Variants in TMEM232 observed in about 807,000 individuals in gnomAD.
TMEM232 encodes transmembrane protein 232.
A neutral mutation model predicts 78.8 loss-of-function variants in TMEM232; 80 were observed. The ratio of observed to expected loss-of-function variants is 1.01; its 90% CI spans 0.85 to 1.22. The LOEUF is 1.22. TMEM232 is among the 50% of genes most tolerant of loss of function. The pLI is 0.00. For missense variants in TMEM232, 881 were observed against 742.2 expected (o/e 1.19, Z -2.17); for synonymous variants, 297 against 254.3 (o/e 1.17, Z -1.60).
intron 12 of TMEM232, among the ~76,000 whole-genome samples, chr5:110,524,371 GAAAGA>G (rs1770130529): frequency 6.4e-5 from 3 of 47,092 alleles, no homozygotes; most frequent in Non-Finnish European, 1.5e-4. Context: ...AAAAAAGAAA[GAAAGA>G]AAGAAAGAAA....
rs1465663118 is a variant in TMEM232 at position 110,669,856 on chromosome 5, T to C, written c.-12-2492A>G. 2.6e-5 allele frequency among the ~76,000 whole-genome samples: 4 copies of C among 152,118 alleles called. No individual in the cohort carries two copies. The East Asian group carries it at 7.7e-4, about 29-fold the overall frequency. On this transcript the variant is annotated intron_variant, in intron 1 of 13. Coordinates refer to ENST00000455884, the MANE Select transcript of TMEM232 (RefSeq NM_001039763.4). Reference sequence around the variant, plus strand: ...GCAAATCAATAAACATAATCCAGCATATAAACAGAACCAAAGACAAAAACC... The same window carrying C: ...GCAAATCAATAAACATAATCCAGCACATAAACAGAACCAAAGACAAAAACC...
At chr5:110,391,550 A>G (rs1225469224) in intron 3 of TMEM232, among the ~76,000 whole-genome samples, 1 of 152,172 alleles carries the variant, frequency 6.6e-6, no homozygotes, top group Non-Finnish European at 1.5e-5. Context: ...TTAATTGGAC[A>G]GGAAATATAG....
intron 11 of TMEM232, among the ~76,000 whole-genome samples, chr5:110,553,555 G>A (rs1050137518): frequency 2.6e-5 from 4 of 152,036 alleles, no homozygotes; most frequent in African/African-American, 9.7e-5. Context: ...GAATGCTAGT[G>A]ATTTTTGTAC....
At chr5:110,663,898 G>A (rs1022807660) in intron 2 of TMEM232, among the ~76,000 whole-genome samples, 2 of 152,044 alleles carry the variant, frequency 1.3e-5, no homozygotes, top group African/African-American at 4.8e-5. Context: ...CAGAATTTTT[G>A]GAGGGTCAGG....
chr5:110,568,129 T>A (rs912034895), intron 11 of TMEM232, among the ~76,000 whole-genome samples: 8 of 151,912 alleles, frequency 5.3e-5, no homozygotes, highest in Admixed American at 1.3e-4. Flanking sequence ...GTACCTAACA[T>A]GTCTATCAGA....
intron 11 of TMEM232, among the ~76,000 whole-genome samples, chr5:110,533,523 A>G (rs567492126): frequency 6.6e-6 from 1 of 152,310 alleles, no homozygotes; most frequent in Admixed American, 6.5e-5. Flanking sequence ...GGCCCTAAAA[A>G]TCACAAACTA....
intron 7 of TMEM232, among the ~76,000 whole-genome samples, chr5:110,621,626 T>C (rs1006468349): frequency 3.3e-5 from 5 of 152,122 alleles, no homozygotes; most frequent in Non-Finnish European, 5.9e-5. Context: ...CACAGATAGT[T>C]TGAAAAGCAC....
chr5:110,595,792 A>G (rs913087962), intron 10 of TMEM232, among the ~76,000 whole-genome samples: 12 of 152,200 alleles, frequency 7.9e-5, no homozygotes, highest in Non-Finnish European at 1.8e-4. Flanking sequence ...GACCAAACCT[A>G]CAACTGATTA....
At chr5:110,634,362 A>C (rs1785521773) in intron 5 of TMEM232, among the ~76,000 whole-genome samples, 1 of 152,162 alleles carries the variant, frequency 6.6e-6, no homozygotes, top group Non-Finnish European at 1.5e-5. Context: ...AGATATTCAC[A>C]GAATATTTTT....
chr5:110,455,813 A>G (rs1009533923), intron 12 of TMEM232, among the ~76,000 whole-genome samples: 6 of 152,276 alleles, frequency 3.9e-5, no homozygotes, highest in African/African-American at 1.2e-4. Context: ...GAAAAAATCA[A>G]TCATAATTAA....
intron 11 of TMEM232, among the ~76,000 whole-genome samples, chr5:110,544,013 A>G (rs1196043731): frequency 6.6e-6 from 1 of 152,162 alleles, no homozygotes; most frequent in African/African-American, 2.4e-5. Context: ...AACATCTTTT[A>G]CAACAGATTC....
At chr5:110,692,662 C>A (rs527975754) in intron 1 of TMEM232, among the ~76,000 whole-genome samples, 5 of 152,334 alleles carry the variant, frequency 3.3e-5, no homozygotes, top group East Asian at 3.9e-4. Flanking sequence ...TATCTCACAC[C>A]TGGCGCAGAG....
intron 11 of TMEM232, among the ~76,000 whole-genome samples, chr5:110,540,294 T>C (rs1329733261): frequency 6.6e-6 from 1 of 152,152 alleles, no homozygotes; most frequent in Non-Finnish European, 1.5e-5. Context: ...GCCACTGGTA[T>C]TTTAGTGGAA....
chr5:110,399,021 C>T (rs1755493473), intron 2 of TMEM232, among the ~76,000 whole-genome samples: 1 of 151,916 alleles, frequency 6.6e-6, no homozygotes, highest in South Asian at 2.1e-4. Context: ...TTTTTCAGCC[C>T]TCCAAATATT....
chr5:110,477,252 G>C (rs1008702448), intron 12 of TMEM232, among the ~76,000 whole-genome samples: 1 of 151,912 alleles, frequency 6.6e-6, no homozygotes, highest in Non-Finnish European at 1.5e-5. Flanking sequence ...AACCGTAGAT[G>C]GTTGCACTTC....
At chr5:110,615,685 A>G (rs9326803) in intron 8 of TMEM232, among the ~76,000 whole-genome samples, 50,531 of 151,764 alleles carry the variant, frequency 0.33, 11,546 homozygotes, top group African/African-American at 0.66. Context: ...AACGGAAACA[A>G]TAAAACTATC....
intron 1 of TMEM232, among the ~76,000 whole-genome samples, chr5:110,718,800 T>C (rs568940854): frequency 2.0e-5 from 3 of 152,232 alleles, no homozygotes; most frequent in East Asian, 1.9e-4. Flanking sequence ...TTGTTTCTTC[T>C]CTTTTCTTTG....
chr5:110,528,522 C>T (rs1770941728), intron 12 of TMEM232, 66 bp downstream of exon 12: 4 of 1,386,182 alleles, frequency 2.9e-6, no homozygotes, highest in Non-Finnish European at 3.7e-6. Flanking sequence ...ACATAATTAT[C>T]TATAATTTCT....
intron 10 of TMEM232, among the ~76,000 whole-genome samples, chr5:110,598,239 GC>G (rs1780430856): frequency 6.9e-6 from 1 of 144,258 alleles, no homozygotes; most frequent in African/African-American, 2.9e-5. Flanking sequence ...CATCTATGCA[GC>G]CAAAAGACAC....
Sources: allele counts gnomAD v4.1 joint callset (sites outside exome capture counted in the v4.1 genomes callset), GRCh38; gene constraint gnomAD v4.1.1; transcripts MANE v1.5; gene names NCBI Gene and HGNC (gene_info 2026-07-23, HGNC 2026-07-21).